The following MRTFB variants were observed in gnomAD, a reference collection of about 807,000 sequenced individuals.
MRTFB encodes myocardin-related transcription factor B.
In MRTFB, 29 loss-of-function variants were observed where a neutral mutation model predicts 104.2. That is an observed-to-expected ratio of 0.28 (90% CI 0.21 to 0.38). MRTFB has a LOEUF of 0.38. Ranked by LOEUF, MRTFB falls within the 10% of genes least tolerant of loss-of-function variation. The probability of loss-of-function intolerance (pLI) is 1.00; values close to 1 mark genes in which losing one functional copy is unlikely to be tolerated. For missense variants in MRTFB, 1,270 were observed against 1,341.6 expected (o/e 0.95, Z 0.83); for synonymous variants, 535 against 519.5 (o/e 1.03, Z -0.41).
the MRTFB span, among the ~76,000 whole-genome samples, chr16:14,052,007 A>G: frequency 6.6e-6 from 1 of 152,112 alleles, no homozygotes; most frequent in African/African-American, 2.4e-5. Context: ...TCTCACATCA[A>G]GTTTTGCAAG....
intron 3 of MRTFB, among the ~76,000 whole-genome samples, chr16:14,172,479 C>G (rs1417955678): frequency 6.6e-6 from 1 of 152,094 alleles, no homozygotes; most frequent in Admixed American, 6.5e-5. Flanking sequence ...CTGTTACAAA[C>G]TGCTGCAGTA....
At chr16:14,211,517 C>T (rs2041188766) in intron 4 of MRTFB, among the ~76,000 whole-genome samples, 1 of 152,170 alleles carries the variant, frequency 6.6e-6, no homozygotes, top group South Asian at 2.1e-4. Flanking sequence ...CTATCCCATC[C>T]ACTCATCTGA....
chr16:14,173,437 A>G (rs927405717), intron 3 of MRTFB, among the ~76,000 whole-genome samples: 2 of 151,900 alleles, frequency 1.3e-5, no homozygotes, highest in Non-Finnish European at 2.9e-5. Flanking sequence ...AGTTTTTATC[A>G]TCTTTATTTG....
intron 15 of MRTFB, among the ~76,000 whole-genome samples, chr16:14,254,213 C>T (rs767831089): frequency 3.3e-5 from 5 of 152,236 alleles, no homozygotes; most frequent in Non-Finnish European, 7.3e-5. Flanking sequence ...CGTTTAAATA[C>T]ATTTACTCAG....
intron 3 of MRTFB, among the ~76,000 whole-genome samples, chr16:14,156,253 G>T (rs1159466603): frequency 1.3e-5 from 2 of 152,208 alleles, no homozygotes; most frequent in Non-Finnish European, 2.9e-5. Flanking sequence ...GAAAACGAGG[G>T]TCTGGAATTG....
At chr16:14,064,785 T>A in the MRTFB span, among the ~76,000 whole-genome samples, 1 of 152,174 alleles carries the variant, frequency 6.6e-6, no homozygotes, top group Non-Finnish European at 1.5e-5. Flanking sequence ...GCAACTTTAT[T>A]TCTGGGGGCT....
intron 3 of MRTFB, chr16:14,149,226 G>A (rs1056843239): frequency 7.9e-5 from 12 of 152,180 alleles, no homozygotes; most frequent in Middle Eastern, 3.4e-3. Context: ...ATATTTTTAT[G>A]GTATTTATGT....
chr16:14,059,328 C>T, the MRTFB span, among the ~76,000 whole-genome samples: 1 of 152,110 alleles, frequency 6.6e-6, no homozygotes, highest in East Asian at 1.9e-4. Context: ...TTACTGCTCT[C>T]ATCTAGCTGT....
At position 14,240,215 on chromosome 16, in the gene MRTFB, A is replaced by C. The variant is rs140195918; in HGVS notation, c.832-22A>C. 3.5e-4 allele frequency: 544 copies of C among 1,564,368 alleles called. 13 individuals carry two copies. The East Asian group carries it at 9.4e-3, about 27-fold the overall frequency. ...ATGTGGTGACATCTCTTTAAATGTT[A>C]TTTTCTTTTTCTCAAAAATAGCAAA... On this transcript the variant is annotated intron_variant, in intron 9 of 16. Coordinates refer to ENST00000571589, the MANE Select transcript of MRTFB (RefSeq NM_001308142.2).
intron 13 of MRTFB, among the ~76,000 whole-genome samples, chr16:14,250,770 A>C (rs2043220722): frequency 6.6e-6 from 1 of 152,168 alleles, no homozygotes; most frequent in African/African-American, 2.4e-5. Context: ...TGTGATAGAT[A>C]GTGAAGGCCA....
the MRTFB span, among the ~76,000 whole-genome samples, chr16:14,036,596 T>C: frequency 0.011 from 1,621 of 150,918 alleles, 31 homozygotes; most frequent in African/African-American, 0.038. Flanking sequence ...TTGAAATATA[T>C]ACATTCCATC....
intron 12 of MRTFB, 90 bp from the exon 13 acceptor site, chr16:14,248,836 C>A (rs2043133150): frequency 7.3e-7 from 1 of 1,378,084 alleles, no homozygotes; most frequent in Non-Finnish European, 1.0e-6. Context: ...AGATACAATC[C>A]CCAAGTGACC....
At chr16:14,082,259 G>A (rs965890422) in intron 2 of MRTFB, among the ~76,000 whole-genome samples, 1 of 152,092 alleles carries the variant, frequency 6.6e-6, no homozygotes, top group African/African-American at 2.4e-5. Flanking sequence ...CCTGCATGTG[G>A]GTATCCAGTT....
At chr16:14,084,602 G>A (rs763240628) in intron 2 of MRTFB, among the ~76,000 whole-genome samples, 3 of 152,118 alleles carry the variant, frequency 2.0e-5, no homozygotes, top group South Asian at 2.1e-4. Context: ...TGCCTCAAAC[G>A]TAGATATCAA....
chr16:14,099,670 CTTTTTTT>C (rs200952464), intron 2 of MRTFB, among the ~76,000 whole-genome samples: 1 of 136,342 alleles, frequency 7.3e-6, no homozygotes. Context: ...CTTTTCTTTT[CTTTTTTT>C]TTTTTTTTGA....
At chr16:14,021,572 C>T in the MRTFB span, among the ~76,000 whole-genome samples, 1 of 152,124 alleles carries the variant, frequency 6.6e-6, no homozygotes, top group Non-Finnish European at 1.5e-5. Context: ...TCCCTCATCC[C>T]CTTCCCACCC....
chr16:14,198,322 C>A (rs1368212853), intron 3 of MRTFB, among the ~76,000 whole-genome samples: 6 of 152,136 alleles, frequency 3.9e-5, no homozygotes, highest in Non-Finnish European at 7.4e-5. Context: ...GTACTTGTTT[C>A]CAATTCTTAT....
intron 14 of MRTFB, 37 bp downstream of exon 14, chr16:14,252,060 G>C (rs377200727): frequency 2.5e-6 from 4 of 1,601,978 alleles, no homozygotes; most frequent in Non-Finnish European, 3.4e-6. Flanking sequence ...TGACAGTGCC[G>C]CAGGGGCATC....
chr16:14,074,448 T>G (rs1372503231), intron 1 of MRTFB, among the ~76,000 whole-genome samples: 2 of 152,220 alleles, frequency 1.3e-5, no homozygotes, highest in African/African-American at 4.8e-5. Context: ...TTATGAAGTT[T>G]TACATTTGAG....
Sources: gnomAD v4.1 joint callset for allele counts (sites outside exome capture counted in the v4.1 genomes callset) on GRCh38, gnomAD v4.1.1 for gene constraint, MANE v1.5 for transcripts, NCBI Gene and HGNC (gene_info 2026-07-23, HGNC 2026-07-21) for gene names.